The following PCGF5 variants were observed in gnomAD, a reference collection of about 807,000 sequenced individuals.
PCGF5 encodes the protein polycomb group ring finger 5.
Under a neutral mutation model 44.3 loss-of-function variants are expected in PCGF5, and 9 were observed. That is an observed-to-expected ratio of 0.20 (90% CI 0.12 to 0.35). PCGF5 has a LOEUF of 0.35. Among genes scored for constraint, PCGF5 ranks in the 10% least tolerant of loss-of-function variants. The probability of loss-of-function intolerance (pLI) is 1.00; values close to 1 mark genes in which losing one functional copy is unlikely to be tolerated. For synonymous variants in PCGF5, 95 were observed against 102.5 expected (o/e 0.93, Z 0.44); for missense variants, 146 against 305.3 (o/e 0.48, Z 3.89).
chr10:91,188,586 T>C (rs1843970009), intron 1 of PCGF5, among the ~76,000 whole-genome samples: 1 of 152,196 alleles, frequency 6.6e-6, no homozygotes, highest in South Asian at 2.1e-4. Context: ...AAGTAGACTT[T>C]GATTTTATTT....
intron 1 of PCGF5, among the ~76,000 whole-genome samples, chr10:91,186,548 A>G (rs1047857953): frequency 9.0e-5 from 13 of 144,470 alleles, no homozygotes; most frequent in African/African-American, 2.7e-4. Context: ...GTGTGTATAT[A>G]TATATATATA....
At chr10:91,226,983 T>C (rs1227892055) in intron 2 of PCGF5, among the ~76,000 whole-genome samples, 2 of 152,160 alleles carry the variant, frequency 1.3e-5, no homozygotes, top group African/African-American at 2.4e-5. Context: ...GATCACTTAA[T>C]ACTAGATGAA....
chr10:91,214,417 G>A (rs1270758341), intron 1 of PCGF5, among the ~76,000 whole-genome samples: 2 of 152,132 alleles, frequency 1.3e-5, no homozygotes. Flanking sequence ...ACAATTGTAT[G>A]TTGTAGGGGA....
At chr10:91,166,163 C>G (rs1843495818) in intron 1 of PCGF5, among the ~76,000 whole-genome samples, 1 of 152,218 alleles carries the variant, frequency 6.6e-6, no homozygotes, top group South Asian at 2.1e-4. Context: ...AGAGTCCTGA[C>G]TCTCATAAAG....
chr10:91,176,245 C>G (rs1843704978), intron 1 of PCGF5, among the ~76,000 whole-genome samples: 1 of 152,336 alleles, frequency 6.6e-6, no homozygotes, highest in South Asian at 2.1e-4. Context: ...GGCCCCCACT[C>G]TCTTCTGGCT....
intron 1 of PCGF5, among the ~76,000 whole-genome samples, chr10:91,211,473 AG>A (rs1485466055): frequency 2.6e-5 from 4 of 152,180 alleles, no homozygotes; most frequent in African/African-American, 9.7e-5. Context: ...AGACCTTTGC[AG>A]GGGCCATACT....
intron 6 of PCGF5, among the ~76,000 whole-genome samples, chr10:91,256,365 A>G (rs910107495): frequency 2.0e-5 from 3 of 152,044 alleles, no homozygotes; most frequent in African/African-American, 7.2e-5. Context: ...TGTAAAATTG[A>G]AGTTAAATGA....
intron 6 of PCGF5, among the ~76,000 whole-genome samples, chr10:91,253,546 A>G (rs1304830895): frequency 6.6e-6 from 1 of 152,086 alleles, no homozygotes. Context: ...TGGTCCAAAC[A>G]TGCAGTTTTA....
chr10:91,249,628 A>C lies in PCGF5; in HGVS notation c.325+904A>C, dbSNP rs551070430. 1.0e-3 allele frequency among the ~76,000 whole-genome samples: 159 copies of C among 151,906 alleles called. 1 individual carries two copies. Among genetic ancestry groups the C allele is most frequent in the African/African-American group, 3.6e-3 (151 of 41,482 alleles). On this transcript the variant is annotated intron_variant, in intron 5 of 9. Transcript: ENST00000336126. ...ATAGGATTGTCAATTATACATGATT[A>C]AGGTGGATGAGATCTCCCTTTTTTA...
At chr10:91,178,271 A>C (rs918513045) in intron 1 of PCGF5, among the ~76,000 whole-genome samples, 2 of 152,258 alleles carry the variant, frequency 1.3e-5, no homozygotes, top group Non-Finnish European at 2.9e-5. Flanking sequence ...ACGGCAGTTT[A>C]AACATTTAAG....
chr10:91,176,957 G>A (rs1350382392), intron 1 of PCGF5, among the ~76,000 whole-genome samples: 6 of 152,322 alleles, frequency 3.9e-5, no homozygotes, highest in African/African-American at 1.4e-4. Flanking sequence ...GAGGAGCTGT[G>A]TTCCTTTGGA....
At chr10:91,169,169 C>T (rs1843558969) in intron 1 of PCGF5, among the ~76,000 whole-genome samples, 1 of 152,018 alleles carries the variant, frequency 6.6e-6, no homozygotes. Flanking sequence ...ATACAGGATA[C>T]AGGATAAAAG....
At chr10:91,191,236 C>T (rs1206849435) in intron 1 of PCGF5, among the ~76,000 whole-genome samples, 1 of 152,210 alleles carries the variant, frequency 6.6e-6, no homozygotes, top group Non-Finnish European at 1.5e-5. Context: ...CATCACTACT[C>T]TTATGCTTTG....
chr10:91,180,893 A>G (rs942034406), intron 1 of PCGF5, among the ~76,000 whole-genome samples: 1 of 152,160 alleles, frequency 6.6e-6, no homozygotes, highest in African/African-American at 2.4e-5. Flanking sequence ...GAAGAATGTC[A>G]ATGGTAGTTT....
rs74850402 is a variant in PCGF5 at position 91,272,297 on chromosome 10, T to G, written c.723+600T>G. On this transcript the variant is annotated intron_variant, in intron 9 of 9. Transcript: ENST00000336126. ...AGTAAAGATTATTGTTGGGTACAGA[T>G]GTGATTGATGATCAGCCTTAACCCT... Among the ~76,000 whole-genome samples the G allele has an allele frequency of 3.9e-5, 6 of 152,232 alleles. No individual in the cohort carries two copies. The East Asian group carries it at 1.2e-3, about 29-fold the overall frequency.
intron 1 of PCGF5, among the ~76,000 whole-genome samples, chr10:91,168,783 C>A (rs569169609): frequency 6.6e-6 from 1 of 151,838 alleles, no homozygotes; most frequent in South Asian, 2.1e-4. Flanking sequence ...AAAAAACTAG[C>A]CGAGTGTGGT....
Position 91,248,872 on chromosome 10 carries a change from C to T in PCGF5, c.325+148C>T, listed in dbSNP as rs369297205. On this transcript the variant is annotated intron_variant, in intron 5 of 9. Transcript: ENST00000336126. ...TTATTTACATTACGAACCTTTTTCT[C>T]TATATGAGATTTTATATAAATGAGT... The T allele has an allele frequency of 1.5e-4, 103 of 686,316 alleles. 1 individual carries two copies. The East Asian group carries it at 1.7e-3, about 11-fold the overall frequency. The allele number at this position is 686,316 out of a possible 1,614,324, so 42.5% of individuals were successfully genotyped here. A position where few individuals can be genotyped will look rare whatever the true frequency, so the allele number is the denominator to read the frequency against.
chr10:91,255,949 A>G (rs1589400567), intron 6 of PCGF5, among the ~76,000 whole-genome samples: 1 of 152,012 alleles, frequency 6.6e-6, no homozygotes, highest in African/African-American at 2.4e-5. Context: ...ATACAATGCA[A>G]ATGCTATGTA....
intron 3 of PCGF5, among the ~76,000 whole-genome samples, chr10:91,246,474 A>T (rs1845462071): frequency 6.6e-6 from 1 of 152,152 alleles, no homozygotes; most frequent in Non-Finnish European, 1.5e-5. Flanking sequence ...TGTAGGTTGG[A>T]CTCAAGTTAT....
Sources: gnomAD v4.1 joint callset for allele counts (sites outside exome capture counted in the v4.1 genomes callset) on GRCh38, gnomAD v4.1.1 for gene constraint, MANE v1.5 for transcripts, NCBI Gene and HGNC (gene_info 2026-07-23, HGNC 2026-07-21) for gene names.